The following CADM2 variants were observed in gnomAD, a reference collection of about 807,000 sequenced individuals.
The protein encoded by CADM2 is immunoglobulin superfamily member 4D.
CADM2 carries 12 observed loss-of-function variants against 49.8 expected under a neutral mutation model. The observed-to-expected ratio is 0.24, with a 90% CI of 0.15 to 0.39. CADM2 has a LOEUF of 0.39. CADM2 is among the 10% of genes least tolerant of loss of function. CADM2 has a pLI of 1.00. For synonymous variants in CADM2, 214 were observed against 175.4 expected, an observed-to-expected ratio of 1.22 and a Z score of -1.74; for missense variants, 378 against 492.3, an observed-to-expected ratio of 0.77 and a Z score of 2.20.
At chr3:85,645,248 G>A (rs1391685586) in intron 1 of CADM2, among the ~76,000 whole-genome samples, 1 of 151,920 alleles carries the variant, frequency 6.6e-6, no homozygotes, top group Admixed American at 6.6e-5. Flanking sequence ...ATTTTTTCAA[G>A]TAAGGCATTT....
chr3:85,999,078 A>C (rs940873411), intron 8 of CADM2, among the ~76,000 whole-genome samples: 3 of 152,214 alleles, frequency 2.0e-5, no homozygotes, highest in African/African-American at 4.8e-5. Flanking sequence ...AAAGCTTTGC[A>C]ATAGCCAAGT....
chr3:85,182,331 A>G (rs1163452182), intron 1 of CADM2, among the ~76,000 whole-genome samples: 1 of 152,080 alleles, frequency 6.6e-6, no homozygotes, highest in Non-Finnish European at 1.5e-5. Context: ...GGAAGAGTCT[A>G]CCTTAACTAA....
At chr3:85,449,534 C>T (rs1172529681) in intron 1 of CADM2, among the ~76,000 whole-genome samples, 1 of 150,104 alleles carries the variant, frequency 6.7e-6, no homozygotes, top group African/African-American at 2.5e-5. Flanking sequence ...CTTTTTTTGA[C>T]GTAGTATTTT....
intron 1 of CADM2, among the ~76,000 whole-genome samples, chr3:85,490,180 T>C (rs2039613536): frequency 6.6e-6 from 1 of 152,118 alleles, no homozygotes; most frequent in African/African-American, 2.4e-5. Flanking sequence ...TGAGTAGGAT[T>C]AGCAATTCCT....
chr3:85,698,317 G>A (rs529522740), intron 1 of CADM2, among the ~76,000 whole-genome samples: 3 of 152,308 alleles, frequency 2.0e-5, no homozygotes, highest in South Asian at 4.1e-4. Context: ...GACTTCTTAT[G>A]TGAAGTCTCA....
intron 1 of CADM2, among the ~76,000 whole-genome samples, chr3:85,248,337 T>C (rs2042696126): frequency 6.6e-6 from 1 of 152,128 alleles, no homozygotes; most frequent in Non-Finnish European, 1.5e-5. Context: ...TGAAGTGGCC[T>C]GATCTTCACT....
At chr3:85,465,536 G>A (rs963238018) in intron 1 of CADM2, among the ~76,000 whole-genome samples, 3 of 151,938 alleles carry the variant, frequency 2.0e-5, no homozygotes, top group East Asian at 1.9e-4. Flanking sequence ...CTATTTTTGT[G>A]AGTCATATTC....
At chr3:85,070,785 G>C (rs375477101) in intron 1 of CADM2, among the ~76,000 whole-genome samples, 1 of 151,972 alleles carries the variant, frequency 6.6e-6, no homozygotes, top group Non-Finnish European at 1.5e-5. Context: ...GAGGTCAAGA[G>C]ATCAAGACCA....
intron 2 of CADM2, among the ~76,000 whole-genome samples, chr3:85,733,482 T>G (rs187136022): frequency 5.4e-4 from 83 of 152,322 alleles, no homozygotes; most frequent in Admixed American, 8.5e-4. Flanking sequence ...CCTTTCATGT[T>G]GCAAAGTACA....
intron 1 of CADM2, among the ~76,000 whole-genome samples, chr3:85,615,206 AAGAGAG>A (rs138179330): frequency 2.0e-5 from 3 of 149,672 alleles, no homozygotes; most frequent in Non-Finnish European, 4.5e-5. Context: ...GTACTACAGA[AAGAGAG>A]AGAGAGAGAG....
chr3:85,775,747 A>C (rs2070329967), intron 2 of CADM2, among the ~76,000 whole-genome samples: 1 of 151,912 alleles, frequency 6.6e-6, no homozygotes, highest in Non-Finnish European at 1.5e-5. Flanking sequence ...CTGATACAAT[A>C]AACTTACTGA....
intron 1 of CADM2, among the ~76,000 whole-genome samples, chr3:85,041,000 T>G (rs1458158526): frequency 6.6e-6 from 1 of 152,196 alleles, no homozygotes; most frequent in Non-Finnish European, 1.5e-5. Context: ...GACAGTCATC[T>G]TTTTCTTGTA....
chr3:85,199,364 T>A (rs2041426389), intron 1 of CADM2, among the ~76,000 whole-genome samples: 3 of 119,546 alleles, frequency 2.5e-5, no homozygotes, highest in African/African-American at 1.5e-4. Flanking sequence ...TGTGTGTGTG[T>A]GTGTATGAGA....
intron 1 of CADM2, among the ~76,000 whole-genome samples, chr3:85,189,574 C>A (rs1284548721): frequency 6.6e-6 from 1 of 152,144 alleles, no homozygotes; most frequent in Non-Finnish European, 1.5e-5. Flanking sequence ...CTTTGCCTGT[C>A]CTCCAGAAGC....
chr3:86,004,367 G>C (rs888366513), intron 8 of CADM2, among the ~76,000 whole-genome samples: 2 of 152,156 alleles, frequency 1.3e-5, no homozygotes, highest in Non-Finnish European at 2.9e-5. Flanking sequence ...CAGGATAGTA[G>C]CTCATGTCAG....
At chr3:85,668,111 T>A (rs2065625442) in intron 1 of CADM2, among the ~76,000 whole-genome samples, 2 of 151,904 alleles carry the variant, frequency 1.3e-5, no homozygotes, top group Admixed American at 1.3e-4. Context: ...TTTGAAATTT[T>A]AAGAATCTTA....
intron 1 of CADM2, among the ~76,000 whole-genome samples, chr3:85,072,375 A>T (rs2036783153): frequency 6.6e-6 from 1 of 152,072 alleles, no homozygotes; most frequent in Admixed American, 6.6e-5. Context: ...CTCCTATTTT[A>T]AAAACCCTAC....
chr3:85,734,335 G>A (rs1486659016), intron 2 of CADM2, among the ~76,000 whole-genome samples: 2 of 151,894 alleles, frequency 1.3e-5, no homozygotes, highest in Non-Finnish European at 2.9e-5. Flanking sequence ...GAGAAGTCAT[G>A]TAATATCCTA....
At chr3:85,703,824 C>T (rs2107716221) in intron 1 of CADM2, among the ~76,000 whole-genome samples, 1 of 152,124 alleles carries the variant, frequency 6.6e-6, no homozygotes, top group East Asian at 1.9e-4. Context: ...TCAACAGGAA[C>T]TGAACTGGCC....
Sources: allele counts gnomAD v4.1 joint callset (sites outside exome capture counted in the v4.1 genomes callset), GRCh38; gene constraint gnomAD v4.1.1; transcripts MANE v1.5; gene names NCBI Gene and HGNC (gene_info 2026-07-23, HGNC 2026-07-21).